SMOC2: variants seen among roughly 807,000 people sequenced by gnomAD.
SMOC2 encodes the protein SPARC related modular calcium binding 2.
A neutral mutation model predicts 61.4 loss-of-function variants in SMOC2; 39 were observed. The ratio of observed to expected loss-of-function variants is 0.64; its 90% confidence interval spans 0.49 to 0.83. The LOEUF (loss-of-function observed/expected upper bound fraction) is 0.83. Ranked by LOEUF, SMOC2 falls within the 40% of genes least tolerant of loss-of-function variation. The pLI is 0.00. For missense variants in SMOC2, 556 were observed against 592.9 expected (o/e 0.94, Z 0.65); for synonymous variants, 247 against 239.9 (o/e 1.03, Z -0.27).
At chr6:168,521,355 G>C (rs1272301034) in intron 2 of SMOC2, among the ~76,000 whole-genome samples, 3 of 152,082 alleles carry the variant, frequency 2.0e-5, no homozygotes, top group Admixed American at 1.3e-4. Context: ...CACCATGTTG[G>C]CCAGGCTGGT....
At chr6:168,442,355 G>T (rs1302252747) in intron 1 of SMOC2, among the ~76,000 whole-genome samples, 1 of 152,262 alleles carries the variant, frequency 6.6e-6, no homozygotes, top group African/African-American at 2.4e-5. Flanking sequence ...GAGGAGCTAT[G>T]TAGAGGGGGC....
intron 1 of SMOC2, among the ~76,000 whole-genome samples, chr6:168,476,568 T>C (rs1306541309): frequency 6.6e-6 from 1 of 152,010 alleles, no homozygotes; most frequent in Non-Finnish European, 1.5e-5. Context: ...TGTTTGAAAA[T>C]ATATAACAGA....
chr6:168,457,128 C>T (rs563476166), intron 1 of SMOC2, among the ~76,000 whole-genome samples: 3 of 152,354 alleles, frequency 2.0e-5, no homozygotes, highest in East Asian at 1.9e-4. Flanking sequence ...GCGGCCGCCA[C>T]GCCCCTCTCC....
chr6:168,547,750 G>T (rs978848863), intron 6 of SMOC2, among the ~76,000 whole-genome samples: 2 of 151,858 alleles, frequency 1.3e-5, no homozygotes, highest in African/African-American at 4.8e-5. Context: ...GCAAACTCAA[G>T]CAGAAACGGA....
At chr6:168,585,696 A>G (rs1384969758) in intron 7 of SMOC2, among the ~76,000 whole-genome samples, 1 of 152,238 alleles carries the variant, frequency 6.6e-6, no homozygotes, top group Non-Finnish European at 1.5e-5. Context: ...GGGTTGTTCT[A>G]GCAGGCATGT....
At chr6:168,651,023 G>T (rs1038281397) in intron 10 of SMOC2, among the ~76,000 whole-genome samples, 1 of 152,224 alleles carries the variant, frequency 6.6e-6, no homozygotes, top group African/African-American at 2.4e-5. Context: ...CTGGGCCTCT[G>T]CGGGGTAGTG....
At chr6:168,647,253 G>A (rs564566957) in intron 9 of SMOC2, among the ~76,000 whole-genome samples, 9 of 152,324 alleles carry the variant, frequency 5.9e-5, no homozygotes, top group East Asian at 5.8e-4. Context: ...CTTCCATGAC[G>A]CAGTATTTAC....
At chr6:168,551,038 G>A (rs1784118351) in intron 7 of SMOC2, among the ~76,000 whole-genome samples, 1 of 152,176 alleles carries the variant, frequency 6.6e-6, no homozygotes, top group Admixed American at 6.5e-5. Context: ...GAGACCAGGT[G>A]GAGATAATTG....
intron 11 of SMOC2, among the ~76,000 whole-genome samples, chr6:168,662,417 C>T (rs954846695): frequency 2.6e-5 from 4 of 152,124 alleles, no homozygotes; most frequent in Admixed American, 6.5e-5. Context: ...CAAGGGCCGT[C>T]GGGTGGAGAG....
rs572209086 is a variant in SMOC2, at chr6:168,455,877, C to T, written c.84+14423C>T. ...GTGGATTCAAAACCTCGTATCTCAA[C>T]AGCATTAGAGGACTAGGGTGACCCG... On this transcript the variant is annotated intron_variant, in intron 1 of 12. Coordinates refer to ENST00000356284, the MANE Select transcript of SMOC2 (RefSeq NM_001166412.2). Among the ~76,000 whole-genome samples the T allele has an allele frequency of 2.0e-4, 30 of 152,362 alleles. No individual in the cohort carries two copies. The South Asian group carries it at 6.0e-3, about 30-fold the overall frequency.
intron 1 of SMOC2, among the ~76,000 whole-genome samples, chr6:168,503,210 A>T (rs1250513622): frequency 6.7e-6 from 1 of 149,490 alleles, no homozygotes; most frequent in African/African-American, 2.5e-5. Flanking sequence ...TTCCATGTGG[A>T]TGGATTACAG....
intron 9 of SMOC2, among the ~76,000 whole-genome samples, chr6:168,643,461 C>T (rs567440385): frequency 4.6e-5 from 7 of 152,262 alleles, no homozygotes; most frequent in South Asian, 4.1e-4. Flanking sequence ...CTGCCTGGGA[C>T]GCAGGGTCTT....
At chr6:168,623,982 C>T (rs192781162) in intron 9 of SMOC2, among the ~76,000 whole-genome samples, 15 of 152,298 alleles carry the variant, frequency 9.8e-5, no homozygotes, top group African/African-American at 3.6e-4. Flanking sequence ...TGGGGCATCG[C>T]CGCAGAGGAG....
chr6:168,648,992 G>A lies in SMOC2; in HGVS notation c.908-1689G>A, dbSNP rs553467574. Among the ~76,000 whole-genome samples the A allele has an allele frequency of 5.3e-5, 8 of 152,258 alleles. No homozygotes were observed. In the East Asian group the frequency reaches 1.2e-3, roughly 22 times the overall value. ...TGACCCAGGGGTGGTCCACGCCAAC[G>A]TGCCCTCGACCCAGGGGTCTGAGAA... On this transcript the variant is annotated intron_variant, in intron 9 of 12. Transcript: ENST00000356284.
intron 1 of SMOC2, among the ~76,000 whole-genome samples, chr6:168,444,415 A>G (rs889050328): frequency 7.2e-5 from 11 of 152,118 alleles, no homozygotes; most frequent in African/African-American, 2.7e-4. Context: ...CTTTATGTTT[A>G]AGATTCAGAG....
At chr6:168,445,906 A>G (rs959201452) in intron 1 of SMOC2, among the ~76,000 whole-genome samples, 4 of 152,260 alleles carry the variant, frequency 2.6e-5, no homozygotes, top group Non-Finnish European at 4.4e-5. Context: ...GCATGGATGT[A>G]ACGTCAGTTG....
At chr6:168,517,803 G>C (rs1783180334) in intron 2 of SMOC2, among the ~76,000 whole-genome samples, 2 of 152,336 alleles carry the variant, frequency 1.3e-5, no homozygotes, top group Admixed American at 6.5e-5. Flanking sequence ...AACCCCCTGT[G>C]GGGGTGAAAT....
chr6:168,456,511 G>T (rs867485549), intron 1 of SMOC2, among the ~76,000 whole-genome samples: 1 of 152,198 alleles, frequency 6.6e-6, no homozygotes, highest in African/African-American at 2.4e-5. Context: ...CCCCAGCAGG[G>T]TCTCTCACGG....
At chr6:168,632,290 C>T (rs573628342) in intron 9 of SMOC2, among the ~76,000 whole-genome samples, 20 of 152,208 alleles carry the variant, frequency 1.3e-4, no homozygotes, top group Non-Finnish European at 2.2e-4. Context: ...TTTGGCCATA[C>T]GCAATTATAG....
Sources: allele counts gnomAD v4.1 joint callset (sites outside exome capture counted in the v4.1 genomes callset), GRCh38; gene constraint gnomAD v4.1.1; transcripts MANE v1.5; gene names NCBI Gene and HGNC (gene_info 2026-07-23, HGNC 2026-07-21).